The following REDIC1 variants were observed in gnomAD, a reference collection of about 807,000 sequenced individuals.
REDIC1 encodes the protein HEI10 Interacting Protein 1.
At chr12:39,794,294 T>C in the REDIC1 span, among the ~76,000 whole-genome samples, 1 of 152,136 alleles carries the variant, frequency 6.6e-6, no homozygotes, top group Admixed American at 6.6e-5. Flanking sequence ...CATTTTCTGT[T>C]GCATTTTGAG....
the REDIC1 span, among the ~76,000 whole-genome samples, chr12:39,803,077 A>G: frequency 9.2e-5 from 14 of 152,132 alleles, no homozygotes; most frequent in African/African-American, 3.1e-4. Context: ...GGAGAAGTAA[A>G]GTACAGCCAT....
chr12:39,838,812 C>G, the REDIC1 span, among the ~76,000 whole-genome samples: 1 of 152,066 alleles, frequency 6.6e-6, no homozygotes, highest in African/African-American at 2.4e-5. Context: ...CTCTGTGAAG[C>G]TGGGTGTGAA....
the REDIC1 span, among the ~76,000 whole-genome samples, chr12:39,629,166 G>T: frequency 6.6e-6 from 1 of 152,176 alleles, no homozygotes; most frequent in South Asian, 2.1e-4. Flanking sequence ...TAAAATGGAG[G>T]TGAAATAAAT....
the REDIC1 span, chr12:39,802,221 T>A: frequency 2.0e-5 from 3 of 152,168 alleles, no homozygotes; most frequent in South Asian, 6.2e-4. Context: ...TTATTAATCA[T>A]TTTTAACAAG....
chr12:39,713,622 A>C, the REDIC1 span, among the ~76,000 whole-genome samples: 1 of 146,522 alleles, frequency 6.8e-6, no homozygotes, highest in Non-Finnish European at 1.5e-5. Flanking sequence ...GTATATACGC[A>C]TGTATACAGT....
the REDIC1 span, among the ~76,000 whole-genome samples, chr12:39,893,361 G>A: frequency 2.4e-4 from 36 of 152,196 alleles, 1 homozygote; most frequent in Admixed American, 2.2e-3. Context: ...GCACAGTGGT[G>A]CAATCTCAGC....
the REDIC1 span, among the ~76,000 whole-genome samples, chr12:39,813,007 T>TTTTTTTTTTTTTTTTG: frequency 1.6e-4 from 15 of 95,498 alleles, 2 homozygotes; most frequent in Non-Finnish European, 2.8e-4. Context: ...TTTTTTTTTT[T>TTTTTTTTTTTTTTTTG]TTTTTTTTTT....
At chr12:39,690,412 C>T in the REDIC1 span, among the ~76,000 whole-genome samples, 5 of 151,858 alleles carry the variant, frequency 3.3e-5, no homozygotes, top group Non-Finnish European at 2.9e-5. Flanking sequence ...GAAGTGGAGA[C>T]GTGGAAGAAC....
At chr12:39,852,693 G>A in the REDIC1 span, among the ~76,000 whole-genome samples, 1 of 152,170 alleles carries the variant, frequency 6.6e-6, no homozygotes, top group Non-Finnish European at 1.5e-5. Context: ...GGAACAAAAG[G>A]ATCAGAGGCT....
chr12:39,683,520 G>C, the REDIC1 span: 1 of 1,449,120 alleles, frequency 6.9e-7, no homozygotes, highest in Admixed American at 1.7e-5. Flanking sequence ...ATACAAATCA[G>C]GATCTAGTAT....
At chr12:39,778,945 G>A in the REDIC1 span, among the ~76,000 whole-genome samples, 1 of 152,162 alleles carries the variant, frequency 6.6e-6, no homozygotes, top group Non-Finnish European at 1.5e-5. Flanking sequence ...TAATGAGGAA[G>A]GGAAATATCT....
chr12:39,712,105 T>TATATATACATAC, the REDIC1 span, among the ~76,000 whole-genome samples: 21 of 133,686 alleles, frequency 1.6e-4, no homozygotes, highest in Non-Finnish European at 2.5e-4. Context: ...TATATACCTG[T>TATATATACATAC]ATATATACCT....
chr12:39,751,585 A>G, the REDIC1 span, among the ~76,000 whole-genome samples: 2 of 152,226 alleles, frequency 1.3e-5, no homozygotes, highest in African/African-American at 4.8e-5. Context: ...TCATGTTGCT[A>G]TAAAGACACA....
chr12:39,893,515 G>T, the REDIC1 span, among the ~76,000 whole-genome samples: 1 of 152,158 alleles, frequency 6.6e-6, no homozygotes, highest in Non-Finnish European at 1.5e-5. Context: ...GGCCAGGCTG[G>T]TCTCAAACTC....
the REDIC1 span, among the ~76,000 whole-genome samples, chr12:39,733,704 G>A: frequency 6.6e-6 from 1 of 152,174 alleles, no homozygotes; most frequent in African/African-American, 2.4e-5. Flanking sequence ...TTTACACTGT[G>A]AGGGGAAAAT....
At chr12:39,707,813 A>G in the REDIC1 span, among the ~76,000 whole-genome samples, 1 of 151,798 alleles carries the variant, frequency 6.6e-6, no homozygotes, top group African/African-American at 2.4e-5. Context: ...CAACTTGCCT[A>G]ACTCCAGAAA....
At chr12:39,868,533 A>T in the REDIC1 span, among the ~76,000 whole-genome samples, 3 of 152,214 alleles carry the variant, frequency 2.0e-5, no homozygotes, top group Non-Finnish European at 2.9e-5. Flanking sequence ...CTAGTTTAGT[A>T]GATCTGGGTT....
At chr12:39,789,334 T>C in the REDIC1 span, among the ~76,000 whole-genome samples, 1 of 152,304 alleles carries the variant, frequency 6.6e-6, no homozygotes, top group Non-Finnish European at 1.5e-5. Flanking sequence ...CTTGTTTAAT[T>C]TCTTAATATT....
chr12:39,713,069 A>G, the REDIC1 span, among the ~76,000 whole-genome samples: 22 of 140,240 alleles, frequency 1.6e-4, 1 homozygote, highest in Non-Finnish European at 2.5e-4. Context: ...ATATGTGTAT[A>G]CACGTGCATA....
Sources: allele counts gnomAD v4.1 joint callset (sites outside exome capture counted in the v4.1 genomes callset), GRCh38; gene constraint gnomAD v4.1.1; transcripts MANE v1.5; gene names NCBI Gene and HGNC (gene_info 2026-07-23, HGNC 2026-07-21).